The following MYO16 variants were observed in gnomAD, a reference collection of about 807,000 sequenced individuals.
MYO16 encodes the protein myosin XVI, also known as unconventional myosin-XVI.
MYO16 carries 94 observed loss-of-function variants against 205.3 expected under a neutral mutation model. The ratio of observed to expected loss-of-function variants is 0.46; its 90% CI spans 0.39 to 0.54. The LOEUF is 0.54. MYO16 is among the 20% of genes least tolerant of loss of function. MYO16 has a pLI of 0.00. For synonymous variants in MYO16, 988 were observed against 954.0 expected (o/e 1.04, Z -0.66); for missense variants, 2,315 against 2,387.5 (o/e 0.97, Z 0.63).
At chr13:108,516,846 G>A in the MYO16 span, among the ~76,000 whole-genome samples, 2 of 152,058 alleles carry the variant, frequency 1.3e-5, no homozygotes, top group African/African-American at 4.8e-5. Flanking sequence ...TTATTCTTGT[G>A]AGTATACCAG....
At chr13:108,694,114 T>C (rs935542172) in intron 2 of MYO16, among the ~76,000 whole-genome samples, 3 of 152,232 alleles carry the variant, frequency 2.0e-5, no homozygotes, top group Admixed American at 6.5e-5. Flanking sequence ...CTACCATTGA[T>C]GAGCATTTAG....
intron 21 of MYO16, among the ~76,000 whole-genome samples, chr13:108,993,482 A>G (rs1381621254): frequency 6.6e-6 from 1 of 152,078 alleles, no homozygotes; most frequent in Admixed American, 6.6e-5. Flanking sequence ...AAATTGGCCA[A>G]TTTTATTTTT....
intron 2 of MYO16, among the ~76,000 whole-genome samples, chr13:108,697,909 A>T: frequency 6.6e-6 from 1 of 151,882 alleles, no homozygotes; most frequent in East Asian, 1.9e-4. Flanking sequence ...TTTTAGTACA[A>T]ACAGGGTTTT....
chr13:108,851,287 A>G (rs143251461), intron 10 of MYO16, among the ~76,000 whole-genome samples: 209 of 152,340 alleles, frequency 1.4e-3, no homozygotes, highest in Non-Finnish European at 2.1e-3. Flanking sequence ...TTGTACATGC[A>G]TACGTGCATG....
At chr13:108,632,176 C>A (rs1034075399) in intron 1 of MYO16, among the ~76,000 whole-genome samples, 1 of 151,180 alleles carries the variant, frequency 6.6e-6, no homozygotes, top group African/African-American at 2.4e-5. Context: ...GTTCCTGATG[C>A]GTAAGATTTT....
intron 31 of MYO16, among the ~76,000 whole-genome samples, chr13:109,128,865 G>A (rs277850): frequency 0.28 from 41,836 of 149,882 alleles, 6,228 homozygotes; most frequent in East Asian, 0.49. Flanking sequence ...TCCGCCTCTG[G>A]GGTTCAAGTG....
the MYO16 span, among the ~76,000 whole-genome samples, chr13:108,584,436 A>T: frequency 1.3e-5 from 2 of 152,222 alleles, no homozygotes; most frequent in Non-Finnish European, 2.9e-5. Context: ...AGTAAATGGA[A>T]TATCCATTAC....
At chr13:109,150,569 G>C (rs1165170155) in intron 32 of MYO16, among the ~76,000 whole-genome samples, 1 of 152,196 alleles carries the variant, frequency 6.6e-6, no homozygotes, top group African/African-American at 2.4e-5. Flanking sequence ...ATGTCAGTCA[G>C]ACCAGAGATA....
chr13:109,197,367 G>A (rs1880203403), intron 34 of MYO16, among the ~76,000 whole-genome samples: 1 of 152,132 alleles, frequency 6.6e-6, no homozygotes, highest in African/African-American at 2.4e-5. Context: ...CTATTTCCTG[G>A]ACTTGATGGA....
chr13:108,901,825 CT>C (rs1264640522), intron 15 of MYO16, among the ~76,000 whole-genome samples: 2 of 152,068 alleles, frequency 1.3e-5, no homozygotes, highest in African/African-American at 4.8e-5. Flanking sequence ...AGTAACAAAG[CT>C]AGTGCTGAGA....
In MYO16 at chr13:109,127,568, A is replaced by G; in HGVS notation, c.4051+18A>G. The G allele has an allele frequency of 6.2e-7, 1 of 1,603,934 alleles. No homozygotes were observed. Among genetic ancestry groups the G allele is most frequent in the Non-Finnish European group, 8.5e-7 (1 of 1,178,612 alleles). ...CAACGAAGGTCAGCCCTGGGGAGGG[A>G]CCCAGCCTCGTGTTCCGGGCTCGCG... On this transcript the variant is annotated intron_variant, in intron 31 of 34. Transcript: ENST00000457511. The surrounding 1 kb of genome is among the most constrained non-coding windows in gnomAD (Gnocchi z 4.2).
At chr13:108,713,017 C>T (rs1164708208) in intron 3 of MYO16, among the ~76,000 whole-genome samples, 1 of 151,990 alleles carries the variant, frequency 6.6e-6, no homozygotes, top group Non-Finnish European at 1.5e-5. Flanking sequence ...GGCAATCATC[C>T]TTTCTTTTTT....
At chr13:108,645,696 A>T (rs553855764) in intron 1 of MYO16, among the ~76,000 whole-genome samples, 1 of 152,234 alleles carries the variant, frequency 6.6e-6, no homozygotes, top group African/African-American at 2.4e-5. Context: ...CTGGAATTAC[A>T]TGGAGGGTGA....
chr13:109,148,066 G>T (rs1235175617), intron 32 of MYO16, among the ~76,000 whole-genome samples: 1 of 152,126 alleles, frequency 6.6e-6, no homozygotes, highest in Non-Finnish European at 1.5e-5. Context: ...AGCCAAGAGT[G>T]CTTGTGCCTG....
intron 23 of MYO16, among the ~76,000 whole-genome samples, chr13:109,034,614 C>T (rs927520651): frequency 4.6e-5 from 7 of 152,138 alleles, no homozygotes; most frequent in Non-Finnish European, 1.0e-4. Context: ...TGAAAACAGA[C>T]GAATACAACA....
intron 4 of MYO16, among the ~76,000 whole-genome samples, chr13:108,747,227 G>A (rs1751794056): frequency 6.6e-6 from 1 of 152,166 alleles, no homozygotes; most frequent in Admixed American, 6.5e-5. Flanking sequence ...ATGAAGAATA[G>A]AGAACATTGA....
chr13:108,963,828 G>A (rs1298378238), intron 19 of MYO16, among the ~76,000 whole-genome samples: 3 of 152,040 alleles, frequency 2.0e-5, no homozygotes, highest in Admixed American at 6.5e-5. Flanking sequence ...CCCTGTGGGT[G>A]ACCCACCTGC....
At chr13:109,096,697 A>G (rs1431548909) in intron 27 of MYO16, among the ~76,000 whole-genome samples, 2 of 148,436 alleles carry the variant, frequency 1.3e-5, no homozygotes, top group African/African-American at 2.5e-5. Flanking sequence ...GCTACATTCG[A>G]AGGCAAGCTA....
At chr13:108,736,760 T>G (rs61969555) in intron 4 of MYO16, among the ~76,000 whole-genome samples, 32,076 of 151,940 alleles carry the variant, frequency 0.21, 3,723 homozygotes, top group Middle Eastern at 0.33. Context: ...CAATATTGAT[T>G]CTTCCTATCC....
Sources: gnomAD v4.1 joint callset for allele counts (sites outside exome capture counted in the v4.1 genomes callset) on GRCh38, gnomAD v4.1.1 for gene constraint, Gnocchi (gnomAD v3.1) non-coding constraint, MANE v1.5 for transcripts, NCBI Gene and HGNC (gene_info 2026-07-23, HGNC 2026-07-21) for gene names.